The following YIPF7 variants were observed in gnomAD, a reference collection of about 807,000 sequenced individuals.
The protein encoded by YIPF7 is Yip1 domain family member 7.
Under a neutral mutation model 27.2 loss-of-function variants are expected in YIPF7, and 35 were observed. The ratio of observed to expected loss-of-function variants is 1.29; its 90% CI spans 0.98 to 1.70. The LOEUF is 1.70. Among genes scored for constraint, YIPF7 ranks in the 40% most tolerant of loss-of-function variants. The probability of loss-of-function intolerance (pLI) is 0.00; values close to 1 mark genes in which losing one functional copy is unlikely to be tolerated. For missense variants in YIPF7, 358 were observed against 303.7 expected, an observed-to-expected ratio of 1.18 and a Z score of -1.33; for synonymous variants, 137 against 110.4, an observed-to-expected ratio of 1.24 and a Z score of -1.51.
intron 2 of YIPF7, among the ~76,000 whole-genome samples, chr4:44,657,700 T>C (rs1713938231): frequency 6.6e-6 from 1 of 152,172 alleles, no homozygotes; most frequent in Non-Finnish European, 1.5e-5. Flanking sequence ...AGAAGATTCC[T>C]GAGACCCTCA....
intron 1 of YIPF7, among the ~76,000 whole-genome samples, chr4:44,650,471 C>T (rs942694355): frequency 6.8e-6 from 1 of 146,428 alleles, no homozygotes; most frequent in Non-Finnish European, 1.5e-5. Flanking sequence ...CGATGTTCTT[C>T]ATTTTAAGCA....
At chr4:44,647,978 T>C (rs916180669) in intron 2 of YIPF7, among the ~76,000 whole-genome samples, 1 of 152,158 alleles carries the variant, frequency 6.6e-6, no homozygotes, top group African/African-American at 2.4e-5. Context: ...AGTTTATTCT[T>C]ATTATCCCAA....
chr4:44,631,252 T>C (rs929761045), intron 3 of YIPF7, among the ~76,000 whole-genome samples: 3 of 152,180 alleles, frequency 2.0e-5, no homozygotes, highest in African/African-American at 7.2e-5. Context: ...AATGGTTGTA[T>C]TTTGTTTTTA....
At chr4:44,647,288 T>C (rs1255843856) in intron 2 of YIPF7, among the ~76,000 whole-genome samples, 1 of 152,008 alleles carries the variant, frequency 6.6e-6, no homozygotes, top group African/African-American at 2.4e-5. Context: ...GTGCGTGGGG[T>C]GGGTGGATAA....
At chr4:44,659,021 T>C (rs1713975429) in intron 2 of YIPF7, among the ~76,000 whole-genome samples, 1 of 152,200 alleles carries the variant, frequency 6.6e-6, no homozygotes, top group Non-Finnish European at 1.5e-5. Flanking sequence ...TGAAATATAT[T>C]AATCATTACT....
chr4:44,637,772 G>A (rs1713180957), intron 2 of YIPF7, among the ~76,000 whole-genome samples: 1 of 152,096 alleles, frequency 6.6e-6, no homozygotes. Context: ...AGTCCCCAAA[G>A]CCCATTGTAT....
intron 5 of YIPF7, among the ~76,000 whole-genome samples, chr4:44,623,802 A>G (rs1319778204): frequency 6.6e-6 from 1 of 152,190 alleles, no homozygotes; most frequent in African/African-American, 2.4e-5. Flanking sequence ...TGTATGATAT[A>G]AAGTTCTCCA....
At chr4:44,633,693 A>T (rs1713003416) in intron 3 of YIPF7, among the ~76,000 whole-genome samples, 1 of 149,040 alleles carries the variant, frequency 6.7e-6, no homozygotes, top group Admixed American at 6.8e-5. Flanking sequence ...AGACCCATAA[A>T]CAAATTAGGT....
intron 2 of YIPF7, among the ~76,000 whole-genome samples, chr4:44,657,013 T>G (rs1685913317): frequency 1.3e-5 from 2 of 152,196 alleles, no homozygotes; most frequent in East Asian, 1.9e-4. Context: ...GTCATAGTTA[T>G]GTTTTTTTAT....
intron 2 of YIPF7, among the ~76,000 whole-genome samples, chr4:44,647,937 G>A (rs1169574724): frequency 1.3e-5 from 2 of 151,874 alleles, no homozygotes; most frequent in African/African-American, 4.8e-5. Flanking sequence ...TAATACATTT[G>A]AAATATACCA....
chr4:44,651,729 A>C, upstream of YIPF7: 1 of 674,582 alleles, frequency 1.5e-6, no homozygotes, highest in East Asian at 2.9e-5. Flanking sequence ...GCCAAAAGCC[A>C]AATACAGTAT....
intron 5 of YIPF7, among the ~76,000 whole-genome samples, chr4:44,623,565 A>C (rs536573211): frequency 2.6e-5 from 4 of 152,334 alleles, no homozygotes; most frequent in South Asian, 4.1e-4. Flanking sequence ...CCAAAGCAAA[A>C]CAAGTGAAAA....
chr4:44,624,780 T>A lies in YIPF7; in HGVS notation c.429A>T (p.Ala143=). ...ACACATAACCAAACTGAACTTTTCC[T>A]GCCTGAAACGACGTGAAGAAAAAAC... ...CVALGATLLL[A]GKVQFGYVYG... Residue 143 remains alanine (A), a splice_region_variant and synonymous_variant, in exon 5 of 6, where the codon GCA becomes GCT. Coordinates refer to ENST00000415895, the MANE Select transcript of YIPF7 (RefSeq NM_182592.3). The A allele has an allele frequency of 6.2e-7, 1 of 1,606,026 alleles. No individual in the cohort carries two copies. The highest frequency in any genetic ancestry group is 8.5e-7 in the Non-Finnish European group (1 of 1,177,038).
chr4:44,659,833 G>A (rs1220610503), intron 2 of YIPF7, among the ~76,000 whole-genome samples: 2 of 151,884 alleles, frequency 1.3e-5, no homozygotes, highest in African/African-American at 4.8e-5. Flanking sequence ...CAAAATCTTG[G>A]CCAGGCGCGG....
chr4:44,640,444 T>G (rs1399258526), intron 2 of YIPF7, among the ~76,000 whole-genome samples: 1 of 152,162 alleles, frequency 6.6e-6, no homozygotes, highest in Non-Finnish European at 1.5e-5. Context: ...CACGAGTGCA[T>G]GCACTGGCCA....
chr4:44,658,846 G>A (rs1713971661), intron 2 of YIPF7, among the ~76,000 whole-genome samples: 1 of 152,154 alleles, frequency 6.6e-6, no homozygotes, highest in African/African-American at 2.4e-5. Flanking sequence ...CATGAGAACA[G>A]TGTGGGAGAC....
chr4:44,624,836 A>T, intron 4 of YIPF7, 54 bp from the exon 5 acceptor site: 1 of 1,485,394 alleles, frequency 6.7e-7, no homozygotes, highest in East Asian at 2.4e-5. Context: ...ACCGAGAGGA[A>T]ATCTGAATAT....
chr4:44,652,653 C>T (rs972913196), upstream of YIPF7, among the ~76,000 whole-genome samples: 1 of 152,196 alleles, frequency 6.6e-6, no homozygotes, highest in Non-Finnish European at 1.5e-5. Flanking sequence ...CAAGGACATA[C>T]TGTTGAGTTC....
upstream of YIPF7, among the ~76,000 whole-genome samples, chr4:44,652,149 C>T (rs911597136): frequency 6.6e-6 from 1 of 152,134 alleles, no homozygotes; most frequent in Admixed American, 6.5e-5. Context: ...CTAATGGGAT[C>T]TAGTGCTTCT....
Sources: allele counts gnomAD v4.1 joint callset (sites outside exome capture counted in the v4.1 genomes callset), GRCh38; gene constraint gnomAD v4.1.1; transcripts MANE v1.5; gene names NCBI Gene and HGNC (gene_info 2026-07-23, HGNC 2026-07-21).